CCNL2: variants seen among roughly 807,000 people sequenced by gnomAD.
CCNL2 encodes cyclin-L2.
Under a neutral mutation model 59.1 loss-of-function variants are expected in CCNL2, and 28 were observed. The observed-to-expected ratio is 0.47, with a 90% CI of 0.35 to 0.65. The LOEUF is 0.65. Ranked by LOEUF, CCNL2 falls within the 30% of genes least tolerant of loss-of-function variation. The pLI is 0.00. For missense variants in CCNL2, 714 were observed against 717.4 expected (o/e 1.00, Z 0.05); for synonymous variants, 342 against 288.6 (o/e 1.19, Z -1.88).
chr1:1,393,104 G>A, intron 5 of CCNL2: 1 of 583,990 alleles, frequency 1.7e-6, no homozygotes, highest in South Asian at 2.1e-5. Flanking sequence ...CCCAGGAAAA[G>A]GTCCCCCTGC....
In CCNL2 at chr1:1,393,479, G is replaced by T. The variant is rs1310413791; in HGVS notation, c.595-19C>A. Reference sequence around the variant, plus strand: ...CGATTATCTGGAAGATACGGGTCAGGCAGTTATTACCAAGAACCTTAAGAG... The same window carrying T: ...CGATTATCTGGAAGATACGGGTCAGTCAGTTATTACCAAGAACCTTAAGAG... On this transcript the variant is annotated intron_variant, in intron 4 of 10. Coordinates refer to ENST00000400809, the MANE Select transcript of CCNL2 (RefSeq NM_030937.6). 2 of 1,611,528 alleles carry T rather than the reference G, an allele frequency of 1.2e-6. No individual in the cohort carries two copies. Among genetic ancestry groups the T allele is most frequent in the East Asian group, 4.5e-5 (2 of 44,888 alleles).
At position 1,388,583 on chromosome 1, in the gene CCNL2, C is replaced by G. The variant is rs113604022; in HGVS notation, c.1007-518G>C. Reference sequence around the variant, plus strand: ...AGTGTGTGTCTCTCTCTCTCTCTCTCTATATATATATATACATAGACACAC... The same window carrying G: ...AGTGTGTGTCTCTCTCTCTCTCTCTGTATATATATATATACATAGACACAC... On this transcript the variant is annotated intron_variant, in intron 8 of 10. Coordinates refer to ENST00000400809, the MANE Select transcript of CCNL2 (RefSeq NM_030937.6). The G allele has an allele frequency of 3.7e-5, 8 of 217,528 alleles. No individual in the cohort carries two copies. In the East Asian group the frequency reaches 8.0e-4, roughly 22 times the overall value. 13.5% of individuals were successfully genotyped at this position (217,528 alleles called of 1,614,324 possible).
chr1:1,392,320 A>C, intron 5 of CCNL2: 1 of 990,154 alleles, frequency 1.0e-6, no homozygotes, highest in Non-Finnish European at 1.2e-6. Context: ...TTGAAGTGAT[A>C]CAATATTTTT....
chr1:1,388,934 G>A (rs1162663794), intron 8 of CCNL2: 11 of 255,030 alleles, frequency 4.3e-5, no homozygotes, highest in Admixed American at 5.4e-5. Context: ...AATTAGCTCA[G>A]TGTGGTGGCG....
chr1:1,388,935 T>G, intron 8 of CCNL2: 2 of 235,278 alleles, frequency 8.5e-6, no homozygotes, highest in Non-Finnish European at 1.7e-5. Flanking sequence ...ATTAGCTCAG[T>G]GTGGTGGCGG....
chr1:1,388,143 G>C, intron 8 of CCNL2, 78 bp from the exon 9 acceptor site: 2 of 1,195,630 alleles, frequency 1.7e-6, no homozygotes, highest in Non-Finnish European at 2.5e-6. Flanking sequence ...AGCGAGATAA[G>C]GCCCCTCTAC....
Position 1,398,349 on chromosome 1 carries a change from C to A in CCNL2, c.364-7G>T, listed in dbSNP as rs747599987. On this transcript the variant is annotated splice_polypyrimidine_tract_variant and splice_region_variant and intron_variant, in intron 2 of 10. Transcript: ENST00000400809. ...CACAGGCCATTGACACATGCTGAAG[C>A]GGAAGCATTGCAACACGCCCATGTT... 6.2e-7 allele frequency: 1 copy of A among 1,614,010 alleles called. No individual in the cohort carries two copies. Among genetic ancestry groups the A allele is most frequent in the Non-Finnish European group, 8.5e-7 (1 of 1,179,982 alleles).
chr1:1,392,612 A>C, intron 5 of CCNL2: 1 of 1,450,088 alleles, frequency 6.9e-7, no homozygotes, highest in Non-Finnish European at 9.0e-7. Flanking sequence ...ACGACAGAGG[A>C]TTAACAAGAA....
chr1:1,394,801 G>A (rs1274232248), intron 4 of CCNL2, among the ~76,000 whole-genome samples: 1 of 146,360 alleles, frequency 6.8e-6, no homozygotes, highest in African/African-American at 2.5e-5. Flanking sequence ...GCTTATGCCT[G>A]TAATCCCAGC....
chr1:1,388,132 G>T, intron 8 of CCNL2, 67 bp from the exon 9 acceptor site: 2 of 1,338,694 alleles, frequency 1.5e-6, no homozygotes, highest in Non-Finnish European at 2.1e-6. Flanking sequence ...CAAGTTCGTA[G>T]AGCGAGATAA....
chr1:1,390,932 T>A, intron 5 of CCNL2, 67 bp from the exon 6 acceptor site: 1 of 1,331,592 alleles, frequency 7.5e-7, no homozygotes, highest in Non-Finnish European at 1.1e-6. Flanking sequence ...GCCTGCATTA[T>A]CTAGAGAAAA....
chr1:1,399,287 G>A lies in CCNL2; in HGVS notation c.20C>T (p.Ala7Val), dbSNP rs757140991. The change falls in exon 1 of 11, where the codon GCG (alanine) becomes GTG (valine). Residue 7 changes from alanine to valine, a missense_variant. By Grantham distance (64) the Ala-to-Val change is moderately conservative (BLOSUM62 0). This residue lies in a region of CCNL2 where 270 missense variants were observed against 254.9 expected (regional missense o/e 1.06). Transcript: ENST00000400809. ...AGCTGCCGACCCTGCAGCACCAGCC[G>A]CCGCCGCCGCCGCCGCCATTTTGTG... MAAAAA[A>V]AGAAGSAAPA... The A allele has an allele frequency of 4.1e-6, 6 of 1,449,242 alleles. No individual in the cohort carries two copies. Among genetic ancestry groups the A allele is most frequent in the East Asian group, 2.8e-5 (1 of 36,040 alleles). The allele number at this position is 1,449,242 out of a possible 1,614,324, so 89.8% of individuals were successfully genotyped here.
rs780425685 is a variant in CCNL2 at position 1,387,430 on chromosome 1, G to C, written c.1364C>G (p.Pro455Arg). 4 of 1,613,788 alleles carry C rather than the reference G, an allele frequency of 2.5e-6. No individual in the cohort carries two copies. In the South Asian group the frequency reaches 4.4e-5, roughly 18 times the overall value. Reference sequence around the variant, plus strand: ...GCTCCGAGACTTGTGTGGCTTCTGGGGGTACTTGCAGTCCTTGGACTTCCG... The same window carrying C: ...GCTCCGAGACTTGTGTGGCTTCTGGCGGTACTTGCAGTCCTTGGACTTCCG... Reference protein sequence around the residue: ...GSRKSKDCKYPQKPHKSRSRS... With the variant: ...GSRKSKDCKYRQKPHKSRSRS... The change falls in exon 11 of 11, where the codon CCC becomes CGC. Residue 455 changes from proline to arginine, a missense_variant. Physicochemically the swap from Pro to Arg is moderately radical, Grantham distance 103. This residue lies in a region of CCNL2 where 403 missense variants were observed against 377.7 expected (regional missense o/e 1.07). Transcript: ENST00000400809.
In CCNL2 at chr1:1,387,538, C is replaced by T; in HGVS notation, c.1256G>A (p.Ser419Asn). The T allele has an allele frequency of 6.5e-7, 1 of 1,539,504 alleles. No individual in the cohort carries two copies. Among genetic ancestry groups the T allele is most frequent in the Non-Finnish European group, 8.7e-7 (1 of 1,146,208 alleles). Residue 419 changes from serine (S) to asparagine (N), a missense_variant, in exon 11 of 11, where the codon AGC becomes AAC. Ser to Asn is a conservative substitution (Grantham distance 46). Transcript: ENST00000400809. ...GSTSGGSKSQSRSRSRSDSPP... is the reference protein window; with the variant it reads ...GSTSGGSKSQNRSRSRSDSPP... Reference sequence around the variant, plus strand: ...GGAGTCACTCCTGCTCCGGGAGCGGCTCTGCGACTTGGACCCACCAGATGT... The same window carrying T: ...GGAGTCACTCCTGCTCCGGGAGCGGTTCTGCGACTTGGACCCACCAGATGT...
chr1:1,399,215 C>T lies in CCNL2; in HGVS notation c.92G>A (p.Gly31Glu). Reference sequence around the variant, plus strand: ...GTCCCCGATCAGCACCCCCTGCGACCCTGAGGGTGCGCCCCCAGATCCCGG... The same window carrying T: ...GTCCCCGATCAGCACCCCCTGCGACTCTGAGGGTGCGCCCCCAGATCCCGG... ...GAPGSGGAPS[G>E]SQGVLIGDRL... Residue 31 changes from glycine to glutamate, a missense_variant, in exon 1 of 11, where the codon GGG becomes GAG. Physicochemically the swap from Gly to Glu is moderately conservative, Grantham distance 98 (BLOSUM62 -2). Transcript: ENST00000400809. 1 of 1,603,138 alleles carries T rather than the reference C, an allele frequency of 6.2e-7. No homozygotes were observed. The highest frequency in any genetic ancestry group is 8.5e-7 in the Non-Finnish European group (1 of 1,176,102).
chr1:1,397,158 A>T (rs1297483469), intron 3 of CCNL2, among the ~76,000 whole-genome samples: 1 of 152,242 alleles, frequency 6.6e-6, no homozygotes, highest in Non-Finnish European at 1.5e-5. Context: ...CTGGGATTAC[A>T]GGCCAGCCCG....
At chr1:1,392,904 G>T in intron 5 of CCNL2, 2 of 1,187,284 alleles carry the variant, frequency 1.7e-6, no homozygotes, top group Non-Finnish European at 2.4e-6. Flanking sequence ...GACCCTTACA[G>T]ACTTAACTCC....
chr1:1,396,134 G>A (rs995704558), intron 3 of CCNL2, among the ~76,000 whole-genome samples: 46 of 143,252 alleles, frequency 3.2e-4, no homozygotes, highest in African/African-American at 1.2e-3. Context: ...AGCCGAGATC[G>A]CATCACTGCA....
Position 1,387,409 on chromosome 1 carries a change from C to T in CCNL2, c.1385G>A (p.Arg462Gln), listed in dbSNP as rs768000759. Residue 462 changes from arginine to glutamine, a missense_variant, in exon 11 of 11, where the codon CGG becomes CAG. Transcript: ENST00000400809. ...CKYPQKPHKS[R>Q]SRSSSRSRSR... ...TCGAGAACGGGAAGAACTCCGGCTC[C>T]GAGACTTGTGTGGCTTCTGGGGGTA... 19 of 1,614,018 alleles carry T rather than the reference C, an allele frequency of 1.2e-5. No individual in the cohort carries two copies. The highest frequency in any genetic ancestry group is 1.6e-4 in the Middle Eastern group (1 of 6,084).
Sources: gnomAD v4.1 joint callset for allele counts (sites outside exome capture counted in the v4.1 genomes callset) on GRCh38, gnomAD v4.1.1 for gene constraint, gnomAD v4.1.1 regional missense constraint, MANE v1.5 for transcripts, NCBI Gene and HGNC (gene_info 2026-07-23, HGNC 2026-07-21) for gene names.